The following PDE4B variants were observed in gnomAD, a reference collection of about 807,000 sequenced individuals.
The protein encoded by PDE4B is 3',5'-cyclic-AMP phosphodiesterase 4B.
PDE4B carries 20 observed loss-of-function variants against 82.2 expected under a neutral mutation model. The observed-to-expected ratio is 0.24, with a 90% CI of 0.17 to 0.35. PDE4B has a LOEUF of 0.35. Ranked by LOEUF, PDE4B falls within the 10% of genes least tolerant of loss-of-function variation. PDE4B has a pLI of 1.00. For missense variants in PDE4B, 655 were observed against 907.2 expected, an observed-to-expected ratio of 0.72 and a Z score of 3.57; for synonymous variants, 320 against 318.9, an observed-to-expected ratio of 1.00 and a Z score of -0.04.
At chr1:65,863,040 T>C (rs908715904) in intron 1 of PDE4B, among the ~76,000 whole-genome samples, 7 of 152,142 alleles carry the variant, frequency 4.6e-5, no homozygotes, top group Admixed American at 4.6e-4. Flanking sequence ...TGTGTCTCTG[T>C]CTTCTTCAGT....
At chr1:65,820,240 A>C (rs1428063154) in intron 1 of PDE4B, among the ~76,000 whole-genome samples, 1 of 152,208 alleles carries the variant, frequency 6.6e-6, no homozygotes, top group Non-Finnish European at 1.5e-5. Context: ...TTTCTTAGAA[A>C]TAGAGAAGGA....
intron 3 of PDE4B, among the ~76,000 whole-genome samples, chr1:65,991,765 G>T (rs1651256861): frequency 6.6e-6 from 1 of 152,130 alleles, no homozygotes; most frequent in Admixed American, 6.5e-5. Context: ...TGTGAACAAA[G>T]AATACACCCA....
intron 3 of PDE4B, among the ~76,000 whole-genome samples, chr1:65,977,098 A>G (rs1343603000): frequency 6.6e-6 from 1 of 152,214 alleles, no homozygotes. Context: ...TCTACTAGTT[A>G]TAATTCTCCC....
At chr1:66,242,754 CA>C (rs35670712) in intron 3 of PDE4B, among the ~76,000 whole-genome samples, 24,014 of 152,096 alleles carry the variant, frequency 0.16, 3,448 homozygotes, top group East Asian at 0.37. Flanking sequence ...TTTTTCCTCC[CA>C]GGCTTATGAA....
intron 3 of PDE4B, among the ~76,000 whole-genome samples, chr1:66,153,887 G>T (rs984333374): frequency 6.6e-6 from 1 of 152,170 alleles, no homozygotes; most frequent in Non-Finnish European, 1.5e-5. Context: ...GGGGCATCAA[G>T]GAGGTTCGCT....
chr1:65,793,379 GC>G, intron 1 of PDE4B, 131 bp downstream of exon 1: 1 of 152,596 alleles, frequency 6.6e-6, no homozygotes, highest in East Asian at 1.9e-4. Flanking sequence ...GGGCCGCCGG[GC>G]CTGGATGGTC....
chr1:66,361,541 A>C, intron 9 of PDE4B, 74 bp from the exon 10 acceptor site: 1 of 1,126,100 alleles, frequency 8.9e-7, no homozygotes, highest in Non-Finnish European at 1.3e-6. Context: ...ATAGATGGTT[A>C]GAGTTGTTTT....
chr1:66,080,341 A>C (rs1656658491), intron 3 of PDE4B, among the ~76,000 whole-genome samples: 1 of 152,176 alleles, frequency 6.6e-6, no homozygotes, highest in Non-Finnish European at 1.5e-5. Flanking sequence ...TGAGCAAATA[A>C]GATGCGTTGA....
At chr1:65,838,482 T>C (rs989110425) in intron 1 of PDE4B, among the ~76,000 whole-genome samples, 4 of 148,580 alleles carry the variant, frequency 2.7e-5, no homozygotes, top group Non-Finnish European at 5.9e-5. Context: ...ACTATATATA[T>C]ACGTATATGT....
At chr1:66,361,828 T>A in intron 10 of PDE4B, 35 bp downstream of exon 10, 1 of 1,549,630 alleles carries the variant, frequency 6.5e-7, no homozygotes, top group Non-Finnish European at 8.8e-7. Flanking sequence ...CATGTAGCTC[T>A]CTGCTTTACA....
chr1:65,843,882 G>A (rs564203870), intron 1 of PDE4B, among the ~76,000 whole-genome samples: 9 of 151,948 alleles, frequency 5.9e-5, no homozygotes, highest in Non-Finnish European at 1.0e-4. Context: ...AATATTACTC[G>A]CCTGTTTCCA....
intron 3 of PDE4B, among the ~76,000 whole-genome samples, chr1:65,948,842 A>G (rs996497836): frequency 3.3e-5 from 5 of 152,084 alleles, no homozygotes; most frequent in African/African-American, 1.2e-4. Context: ...GTTTTGGGTC[A>G]CAGAACTGGC....
Position 66,327,269 on chromosome 1 carries a change from A to G in PDE4B, c.635-5239A>G, listed in dbSNP as rs182033754. On this transcript the variant is annotated intron_variant, in intron 7 of 16. Coordinates refer to ENST00000341517, the MANE Select transcript of PDE4B (RefSeq NM_002600.4). Reference sequence around the variant, plus strand: ...AGATTAACTGAAAAATCATTGAAACAGAAAAAAAATAAAAAGATCATTGAC... The same window carrying G: ...AGATTAACTGAAAAATCATTGAAACGGAAAAAAAATAAAAAGATCATTGAC... Among the ~76,000 whole-genome samples, 85 of 152,320 alleles carry G rather than the reference A, an allele frequency of 5.6e-4. 1 individual carries two copies. The highest frequency in any genetic ancestry group is 1.2e-3 in the Admixed American group (18 of 15,298).
chr1:65,981,552 T>A (rs1472934758), intron 3 of PDE4B, among the ~76,000 whole-genome samples: 1 of 152,022 alleles, frequency 6.6e-6, no homozygotes, highest in African/African-American at 2.4e-5. Flanking sequence ...TTCCTTTTTT[T>A]TTTTTTTGCA....
intron 3 of PDE4B, among the ~76,000 whole-genome samples, chr1:65,930,017 T>C (rs1037047575): frequency 6.6e-6 from 1 of 152,154 alleles, no homozygotes; most frequent in African/African-American, 2.4e-5. Flanking sequence ...GGGACAGAAC[T>C]ACTAGGATAC....
intron 1 of PDE4B, among the ~76,000 whole-genome samples, chr1:65,903,440 C>T (rs1226764194): frequency 6.6e-6 from 1 of 151,862 alleles, no homozygotes; most frequent in Non-Finnish European, 1.5e-5. Flanking sequence ...CACACACACA[C>T]ACACTAGCCA....
intron 1 of PDE4B, among the ~76,000 whole-genome samples, chr1:65,806,562 A>G (rs912901801): frequency 1.3e-5 from 2 of 152,208 alleles, no homozygotes; most frequent in Non-Finnish European, 2.9e-5. Context: ...CCGTCTCTTC[A>G]GAATCCTGAG....
At chr1:66,193,794 AG>A (rs1648029894) in intron 3 of PDE4B, among the ~76,000 whole-genome samples, 1 of 152,166 alleles carries the variant, frequency 6.6e-6, no homozygotes, top group African/African-American at 2.4e-5. Context: ...GCAAAGTAAA[AG>A]TAGTACGTTA....
intron 3 of PDE4B, among the ~76,000 whole-genome samples, chr1:65,932,359 C>G (rs1433871578): frequency 1.3e-5 from 2 of 152,050 alleles, no homozygotes; most frequent in African/African-American, 2.4e-5. Flanking sequence ...AATATCACTT[C>G]TATTGGAACA....
Sources: allele counts gnomAD v4.1 joint callset (sites outside exome capture counted in the v4.1 genomes callset), GRCh38; gene constraint gnomAD v4.1.1; transcripts MANE v1.5; gene names NCBI Gene and HGNC (gene_info 2026-07-23, HGNC 2026-07-21).